Variants in DNAH8 observed in about 807,000 individuals in gnomAD.
The protein encoded by DNAH8 is axonemal beta dynein heavy chain 8.
A neutral mutation model predicts 562.1 loss-of-function variants in DNAH8; 382 were observed. The observed-to-expected ratio is 0.68, with a 90% CI of 0.63 to 0.74. DNAH8 has a LOEUF of 0.74. Ranked by LOEUF, DNAH8 falls within the 30% of genes least tolerant of loss-of-function variation. The pLI, the probability that DNAH8 is intolerant of heterozygous loss-of-function variation, is 0.00. For missense variants in DNAH8, 5,203 were observed against 5,620.4 expected (o/e 0.93, Z 2.37); for synonymous variants, 1,881 against 1,919.4 (o/e 0.98, Z 0.52).
chr6:38,895,647 G>T (rs1779625295), intron 59 of DNAH8, among the ~76,000 whole-genome samples: 1 of 152,142 alleles, frequency 6.6e-6, no homozygotes, highest in Non-Finnish European at 1.5e-5. Flanking sequence ...TCACACAAGG[G>T]TGATACTTGT....
chr6:38,807,395 T>A (rs547430804), intron 23 of DNAH8, among the ~76,000 whole-genome samples: 39 of 152,360 alleles, frequency 2.6e-4, no homozygotes, highest in Non-Finnish European at 4.4e-4. Context: ...TTTGCTAGGG[T>A]GTTTATGCAA....
At chr6:38,841,688 GT>G (rs1774804830) in intron 33 of DNAH8, among the ~76,000 whole-genome samples, 1 of 151,814 alleles carries the variant, frequency 6.6e-6, no homozygotes, top group Non-Finnish European at 1.5e-5. Context: ...TTTTATTCTT[GT>G]TTTAAACACA....
At chr6:39,021,568 G>A (rs1452132342) in intron 91 of DNAH8, among the ~76,000 whole-genome samples, 1 of 152,138 alleles carries the variant, frequency 6.6e-6, no homozygotes, top group Non-Finnish European at 1.5e-5. Flanking sequence ...TATTCAACGG[G>A]GTTGACCAAC....
intron 18 of DNAH8, among the ~76,000 whole-genome samples, chr6:38,788,509 A>AT (rs551302318): frequency 1.2e-3 from 182 of 151,924 alleles, no homozygotes; most frequent in Admixed American, 3.9e-3. Context: ...TCTCCTTTTG[A>AT]TTTTGTTTCA....
At chr6:38,850,153 G>T (rs1049744074) in intron 37 of DNAH8, 98 bp from the exon 38 acceptor site, 1 of 1,141,036 alleles carries the variant, frequency 8.8e-7, no homozygotes, top group African/African-American at 1.6e-5. Context: ...GACTAATAGA[G>T]GCTGGTTTGA....
chr6:38,895,514 C>A (rs2150496850), intron 59 of DNAH8, among the ~76,000 whole-genome samples: 1 of 152,146 alleles, frequency 6.6e-6, no homozygotes, highest in East Asian at 1.9e-4. Flanking sequence ...TGGTTTCATC[C>A]CTTTAAAGTT....
At chr6:38,926,325 C>T (rs1331991813) in intron 74 of DNAH8, 115 bp downstream of exon 74, 2 of 1,193,392 alleles carry the variant, frequency 1.7e-6, no homozygotes, top group East Asian at 2.5e-5. Context: ...TTTGCTAATT[C>T]ACACTCTTGA....
At chr6:38,772,448 G>C (rs1163685645) in intron 12 of DNAH8, among the ~76,000 whole-genome samples, 1 of 152,018 alleles carries the variant, frequency 6.6e-6, no homozygotes, top group East Asian at 1.9e-4. Context: ...TTTCCCTGAG[G>C]GCTAATGATG....
At chr6:38,987,264 A>G (rs536911303) in intron 87 of DNAH8, among the ~76,000 whole-genome samples, 27 of 152,320 alleles carry the variant, frequency 1.8e-4, no homozygotes, top group African/African-American at 6.0e-4. Flanking sequence ...TCAAGAGCTC[A>G]AGCAGGGGGA....
chr6:38,778,496 T>TG, intron 14 of DNAH8, 32 bp downstream of exon 14: 4 of 1,249,690 alleles, frequency 3.2e-6, no homozygotes, highest in Non-Finnish European at 4.6e-6. Context: ...GAGTAGTTTC[T>TG]GGGGGGAATA....
rs777059593 is a variant in DNAH8, at chr6:38,908,108, C to T, written c.9501C>T (p.Leu3167=). The T allele has an allele frequency of 5.7e-6, 9 of 1,566,986 alleles. No individual in the cohort carries two copies. In the African/African-American group the frequency reaches 8.2e-5, roughly 14 times the overall value. The change falls in exon 64 of 93, where the codon CTC becomes CTT. Residue 3167 remains leucine, a synonymous_variant. Coordinates refer to ENST00000327475, the MANE Select transcript of DNAH8 (RefSeq NM_001206927.2). ...CAAGGAAGAACTTACATGTTGTTCT[C>T]TGCTTTTCTCCAGTAAGTTTTTATT... ...SRSRKNLHVV[L]CFSPVGEKFR... is the part of the protein sequence containing the mutation.
chr6:39,015,175 T>C (rs1766480144), intron 91 of DNAH8, among the ~76,000 whole-genome samples: 1 of 152,234 alleles, frequency 6.6e-6, no homozygotes, highest in Admixed American at 6.5e-5. Context: ...ATTGAATGTA[T>C]CTTTGATATT....
chr6:38,804,793 G>A (rs1678680), intron 22 of DNAH8, among the ~76,000 whole-genome samples: 59 of 109,268 alleles, frequency 5.4e-4, no homozygotes, highest in South Asian at 1.3e-3. Context: ...GAGAGAGAAA[G>A]AGAAAACTGT....
At chr6:38,790,081 A>G (rs1175070547) in intron 19 of DNAH8, among the ~76,000 whole-genome samples, 198 bp downstream of exon 19, 1 of 152,156 alleles carries the variant, frequency 6.6e-6, no homozygotes, top group Non-Finnish European at 1.5e-5. Context: ...ACTAAATCTA[A>G]ATCATGAGCA....
At chr6:38,733,509 G>T (rs1421300419) in intron 4 of DNAH8, among the ~76,000 whole-genome samples, 1 of 152,188 alleles carries the variant, frequency 6.6e-6, no homozygotes, top group Admixed American at 6.5e-5. Context: ...GTAGGTAAAA[G>T]GTTGGGGATG....
intron 87 of DNAH8, 35 bp downstream of exon 87, chr6:38,984,342 C>T (rs1354056647): frequency 6.5e-6 from 9 of 1,385,526 alleles, no homozygotes; most frequent in Middle Eastern, 3.5e-4. Flanking sequence ...TTTGGAGACA[C>T]ATTTCACTGT....
Position 38,873,080 on chromosome 6 carries a change from CCACGGTTTCTAGGATGGG to C in DNAH8, c.7415_7432del (p.Thr2472_Gly2477del), listed in dbSNP as rs760368737. ...CACAATATCGAGAACGCCTCTCCTGCCACGGTTTCTAGGATGGGCATGGTCTATATCAGCAGCTCTGCT... is the reference window on the plus strand; with the variant it reads ...CACAATATCGAGAACGCCTCTCCTGCCATGGTCTATATCAGCAGCTCTGCT... On this transcript the variant is annotated inframe_deletion, in exon 51 of 93. Coordinates refer to ENST00000327475, the MANE Select transcript of DNAH8 (RefSeq NM_001206927.2). 6.2e-7 allele frequency: 1 copy of C among 1,614,056 alleles called. No homozygotes were observed. The highest frequency in any genetic ancestry group is 8.5e-7 in the Non-Finnish European group (1 of 1,179,988).
chr6:38,992,032 C>T lies in DNAH8; in HGVS notation c.13214+1860C>T, dbSNP rs562033646. On this transcript the variant is annotated intron_variant, in intron 88 of 92. Coordinates refer to ENST00000327475, the MANE Select transcript of DNAH8 (RefSeq NM_001206927.2). ...CCAGGCTGGAGTGCAATGGCACGAT[C>T]TTGGCTCACCACAATCTCCGCCTCT... Among the ~76,000 whole-genome samples the T allele has an allele frequency of 2.0e-5, 3 of 152,162 alleles. No homozygotes were observed. The East Asian group carries it at 5.8e-4, about 29-fold the overall frequency.
intron 10 of DNAH8, among the ~76,000 whole-genome samples, chr6:38,756,444 C>A (rs7739708): frequency 2.0e-5 from 3 of 151,852 alleles, no homozygotes; most frequent in Admixed American, 2.0e-4. Context: ...TCCTGTGTAG[C>A]GCCGCATGGT....
Sources: gnomAD v4.1 joint callset for allele counts (sites outside exome capture counted in the v4.1 genomes callset) on GRCh38, gnomAD v4.1.1 for gene constraint, MANE v1.5 for transcripts, NCBI Gene and HGNC (gene_info 2026-07-23, HGNC 2026-07-21) for gene names.